The following LHFPL3 variants were observed in gnomAD, a reference collection of about 807,000 sequenced individuals.
The protein encoded by LHFPL3 is LHFPL tetraspan subfamily member 3.
A neutral mutation model predicts 19.3 loss-of-function variants in LHFPL3; 5 were observed. The ratio of observed to expected loss-of-function variants is 0.26; its 90% CI spans 0.14 to 0.54. The LOEUF is 0.54. Ranked by LOEUF, LHFPL3 falls within the 20% of genes least tolerant of loss-of-function variation. LHFPL3 has a pLI of 0.94. For synonymous variants in LHFPL3, 133 were observed against 126.2 expected (o/e 1.05, Z -0.36); for missense variants, 249 against 307.4 (o/e 0.81, Z 1.42).
chr7:104,464,850 T>A (rs1216706010), intron 1 of LHFPL3, among the ~76,000 whole-genome samples: 1 of 152,206 alleles, frequency 6.6e-6, no homozygotes, highest in African/African-American at 2.4e-5. Context: ...TTTTCCTCAT[T>A]GTCTTGGTGA....
At chr7:104,672,097 G>T (rs56357944) in intron 1 of LHFPL3, among the ~76,000 whole-genome samples, 10,655 of 148,290 alleles carry the variant, frequency 0.072, 629 homozygotes, top group African/African-American at 0.17. Flanking sequence ...GTTTGCAATG[G>T]TTGCTTATGT....
At chr7:104,490,217 T>A (rs1793315777) in intron 1 of LHFPL3, among the ~76,000 whole-genome samples, 1 of 152,184 alleles carries the variant, frequency 6.6e-6, no homozygotes, top group Non-Finnish European at 1.5e-5. Flanking sequence ...CCTAACCCTT[T>A]CTTCCTAATT....
chr7:104,748,757 G>T (rs1794098450), intron 2 of LHFPL3, among the ~76,000 whole-genome samples: 1 of 152,122 alleles, frequency 6.6e-6, no homozygotes, highest in South Asian at 2.1e-4. Context: ...TCCTCCATAT[G>T]CTGAACGCTG....
chr7:104,903,135 G>A (rs1792525857), intron 2 of LHFPL3, among the ~76,000 whole-genome samples: 1 of 152,070 alleles, frequency 6.6e-6, no homozygotes, highest in African/African-American at 2.4e-5. Context: ...TCCCTTCCCA[G>A]CCCACTGAGA....
intron 2 of LHFPL3, among the ~76,000 whole-genome samples, chr7:104,765,134 A>G (rs1269139599): frequency 1.3e-5 from 2 of 152,226 alleles, no homozygotes; most frequent in East Asian, 3.8e-4. Context: ...GTAATTGGGA[A>G]AAATTTTGTT....
intron 2 of LHFPL3, among the ~76,000 whole-genome samples, chr7:104,859,375 A>G (rs1791571455): frequency 6.6e-6 from 1 of 152,146 alleles, no homozygotes; most frequent in African/African-American, 2.4e-5. Flanking sequence ...GCATTCAAAA[A>G]AGCATTAAGT....
chr7:104,508,091 C>T (rs13310113), intron 1 of LHFPL3, among the ~76,000 whole-genome samples: 44,919 of 149,692 alleles, frequency 0.3, 7,217 homozygotes, highest in Middle Eastern at 0.4. Flanking sequence ...CCATTTGACC[C>T]AGCCATCCCA....
intron 1 of LHFPL3, among the ~76,000 whole-genome samples, chr7:104,727,236 CAGAT>C (rs1277892078): frequency 3.9e-5 from 6 of 152,040 alleles, no homozygotes; most frequent in Admixed American, 2.0e-4. Flanking sequence ...AGGCCTTTGT[CAGAT>C]AGATAGATTG....
At chr7:104,568,590 C>A (rs17138748) in intron 1 of LHFPL3, among the ~76,000 whole-genome samples, 1 of 152,110 alleles carries the variant, frequency 6.6e-6, no homozygotes, top group Non-Finnish European at 1.5e-5. Context: ...AAGTCCAATG[C>A]AGCCTTAGCT....
chr7:104,426,768 C>T (rs953690267), intron 1 of LHFPL3, among the ~76,000 whole-genome samples: 9 of 152,136 alleles, frequency 5.9e-5, no homozygotes, highest in Admixed American at 3.3e-4. Flanking sequence ...CAACCTCCTA[C>T]TTTCATTTGC....
chr7:104,865,925 G>T (rs368645632), intron 2 of LHFPL3, among the ~76,000 whole-genome samples: 2 of 152,052 alleles, frequency 1.3e-5, no homozygotes, highest in Admixed American at 6.6e-5. Flanking sequence ...AATATTCAAC[G>T]TTCTTAAAGA....
At chr7:104,594,964 T>A (rs988613700) in intron 1 of LHFPL3, among the ~76,000 whole-genome samples, 1 of 152,216 alleles carries the variant, frequency 6.6e-6, no homozygotes, top group African/African-American at 2.4e-5. Context: ...GTTTTCAGCT[T>A]CCTTACGATG....
chr7:104,706,852 T>G (rs933825120), intron 1 of LHFPL3, among the ~76,000 whole-genome samples: 6 of 152,214 alleles, frequency 3.9e-5, no homozygotes, highest in Non-Finnish European at 7.3e-5. Flanking sequence ...CCAGATTAAG[T>G]GGCTCAGCCA....
At chr7:104,383,291 C>T (rs1257961082) in intron 1 of LHFPL3, among the ~76,000 whole-genome samples, 1 of 152,192 alleles carries the variant, frequency 6.6e-6, no homozygotes, top group African/African-American at 2.4e-5. Context: ...TAAGTACAAA[C>T]TATAGGTAGG....
chr7:104,666,007 A>G (rs1277565226), intron 1 of LHFPL3, among the ~76,000 whole-genome samples: 2 of 152,248 alleles, frequency 1.3e-5, no homozygotes, highest in African/African-American at 2.4e-5. Context: ...TATTTACAAT[A>G]TTCCATTACA....
intron 2 of LHFPL3, among the ~76,000 whole-genome samples, chr7:104,882,297 G>C (rs1026675099): frequency 2.0e-5 from 3 of 151,952 alleles, no homozygotes; most frequent in African/African-American, 2.4e-5. Flanking sequence ...ACCCAGACTG[G>C]AGTGCAGTGG....
intron 1 of LHFPL3, among the ~76,000 whole-genome samples, chr7:104,640,658 T>A (rs1584456217): frequency 6.6e-6 from 1 of 152,192 alleles, no homozygotes; most frequent in Admixed American, 6.5e-5. Context: ...GCATCTGTTG[T>A]TTCCAGACTT....
At chr7:104,500,157 C>T (rs1037637725) in intron 1 of LHFPL3, among the ~76,000 whole-genome samples, 2 of 152,086 alleles carry the variant, frequency 1.3e-5, no homozygotes, top group African/African-American at 4.8e-5. Flanking sequence ...GGTAACCAAC[C>T]CTAAGCCTTT....
chr7:104,733,611 T>A (rs1481664802), intron 1 of LHFPL3, among the ~76,000 whole-genome samples: 2 of 152,230 alleles, frequency 1.3e-5, no homozygotes, highest in Admixed American at 6.5e-5. Flanking sequence ...TGAGCCTATG[T>A]GTGTCTCTGC....
Sources: allele counts gnomAD v4.1 joint callset (sites outside exome capture counted in the v4.1 genomes callset), GRCh38; gene constraint gnomAD v4.1.1; transcripts MANE v1.5; gene names NCBI Gene and HGNC (gene_info 2026-07-23, HGNC 2026-07-21).